PAM: variants seen among roughly 807,000 people sequenced by gnomAD.
PAM encodes the protein peptidyl-glycine alpha-amidating monooxygenase.
Under a neutral mutation model 122.1 loss-of-function variants are expected in PAM, and 72 were observed. The observed-to-expected ratio is 0.59, with a 90% CI of 0.49 to 0.72. The LOEUF (loss-of-function observed/expected upper bound fraction) is 0.72, where lower values mean the gene tolerates loss of function less well. Ranked by LOEUF, PAM falls within the 30% of genes least tolerant of loss-of-function variation. PAM has a pLI of 0.00. For synonymous variants in PAM, 389 were observed against 404.4 expected (o/e 0.96, Z 0.46); for missense variants, 1,106 against 1,183.7 (o/e 0.93, Z 0.96).
intron 14 of PAM, among the ~76,000 whole-genome samples, chr5:102,966,490 G>A (rs1432338445): frequency 6.6e-6 from 1 of 152,032 alleles, no homozygotes; most frequent in Non-Finnish European, 1.5e-5. Flanking sequence ...AAATAATAAA[G>A]TTCACTTCAT....
At position 102,822,397 on chromosome 5, in the gene PAM, C is replaced by T. The variant is rs758306953; in HGVS notation, c.-373-43426C>T. 5.3e-5 allele frequency among the ~76,000 whole-genome samples: 8 copies of T among 152,130 alleles called. No homozygotes were observed. In the South Asian group the frequency reaches 6.2e-4, roughly 12 times the overall value. On this transcript the variant is annotated intron_variant, in intron 1 of 25. Coordinates refer to ENST00000438793, the MANE Select transcript of PAM (RefSeq NM_001177306.2). ...GCCATCCCACCGACGAGCACATACACGCATTCACTCATGCTAATTCCAAGC... is the reference window on the plus strand; with the variant it reads ...GCCATCCCACCGACGAGCACATACATGCATTCACTCATGCTAATTCCAAGC...
chr5:102,972,279 T>C (rs1428860312), intron 14 of PAM, among the ~76,000 whole-genome samples: 5 of 152,106 alleles, frequency 3.3e-5, no homozygotes, highest in Admixed American at 6.5e-5. Flanking sequence ...TTCAAGTTTT[T>C]ATTTAATTTT....
intron 4 of PAM, among the ~76,000 whole-genome samples, chr5:102,904,246 A>G (rs1402576804): frequency 6.6e-6 from 1 of 151,290 alleles, no homozygotes; most frequent in Non-Finnish European, 1.5e-5. Context: ...AACCCATAAT[A>G]CTTTGTTCGT....
intron 1 of PAM, among the ~76,000 whole-genome samples, chr5:102,756,749 GCAAGACC>G (rs1750462927): frequency 6.6e-6 from 1 of 151,662 alleles, no homozygotes; most frequent in South Asian, 2.1e-4. Context: ...CGGTGACAGA[GCAAGACC>G]CTGTCTCAAA....
intron 1 of PAM, among the ~76,000 whole-genome samples, chr5:102,840,542 GATT>G (rs1173646687): frequency 7.9e-5 from 12 of 152,246 alleles, no homozygotes; most frequent in Non-Finnish European, 1.5e-4. Context: ...TATAATTTGG[GATT>G]GAGTTTAGCT....
intron 15 of PAM, among the ~76,000 whole-genome samples, chr5:102,977,198 G>A (rs937861554): frequency 1.3e-5 from 2 of 152,098 alleles, no homozygotes; most frequent in African/African-American, 4.8e-5. Flanking sequence ...ACACCTGAGG[G>A]TTTCAAAAAC....
At chr5:103,004,282 G>T (rs1188128167) in intron 17 of PAM, among the ~76,000 whole-genome samples, 1 of 152,184 alleles carries the variant, frequency 6.6e-6, no homozygotes, top group African/African-American at 2.4e-5. Context: ...GAATTAAGGG[G>T]AAGGCAGAAA....
intron 3 of PAM, among the ~76,000 whole-genome samples, chr5:102,881,649 AAAAC>A (rs1791121876): frequency 6.6e-6 from 1 of 151,978 alleles, no homozygotes; most frequent in African/African-American, 2.4e-5. Context: ...TTAAGTGAGA[AAAAC>A]AAACCACAGA....
At chr5:102,960,680 A>G (rs1762199486) in intron 13 of PAM, among the ~76,000 whole-genome samples, 2 of 151,738 alleles carry the variant, frequency 1.3e-5, no homozygotes, top group South Asian at 4.2e-4. Context: ...CTGAGACTTG[A>G]TTGAGTTTTG....
chr5:102,878,922 C>CT (rs972968146), intron 3 of PAM, among the ~76,000 whole-genome samples: 237 of 144,078 alleles, frequency 1.6e-3, no homozygotes, highest in African/African-American at 2.6e-3. Context: ...AAGAAAAATT[C>CT]TTTTTTTTTT....
At chr5:102,845,639 T>C (rs534470439) in intron 1 of PAM, among the ~76,000 whole-genome samples, 1 of 152,334 alleles carries the variant, frequency 6.6e-6, no homozygotes, top group African/African-American at 2.4e-5. Context: ...CATCCAATAC[T>C]TCCATTTATT....
chr5:102,857,742 C>T (rs1783023717), intron 1 of PAM, among the ~76,000 whole-genome samples: 1 of 152,172 alleles, frequency 6.6e-6, no homozygotes, highest in Non-Finnish European at 1.5e-5. Context: ...CATAGAGTTG[C>T]TGTGAGGATT....
chr5:102,810,557 G>A (rs1197491501), intron 1 of PAM, among the ~76,000 whole-genome samples: 1 of 152,184 alleles, frequency 6.6e-6, no homozygotes, highest in East Asian at 1.9e-4. Context: ...AAGGCCAGGT[G>A]CAGTGGCTCA....
chr5:102,769,529 A>G (rs1449090262), intron 1 of PAM, among the ~76,000 whole-genome samples: 7 of 152,084 alleles, frequency 4.6e-5, no homozygotes, highest in Non-Finnish European at 8.8e-5. Context: ...TGATTTTTGT[A>G]TATGGTAAGA....
chr5:102,820,980 A>G (rs898997483), intron 1 of PAM, among the ~76,000 whole-genome samples: 1 of 152,370 alleles, frequency 6.6e-6, no homozygotes, highest in South Asian at 2.1e-4. Context: ...TGGTAAAGCT[A>G]ATCACTTCAC....
chr5:102,958,441 T>C (rs1356946258), intron 12 of PAM, among the ~76,000 whole-genome samples: 1 of 152,196 alleles, frequency 6.6e-6, no homozygotes, highest in Non-Finnish European at 1.5e-5. Flanking sequence ...CTCCAGTTTA[T>C]TATTTTTGCA....
Position 103,029,422 on chromosome 5 carries a change from C to G in PAM, c.*357C>G, listed in dbSNP as rs1238618885. On this transcript the variant is annotated 3_prime_UTR_variant, in exon 26 of 26. Transcript: ENST00000438793. ...TGAACACAGTATTTTCCCAATAGCA[C>G]TTTCATTGCCAGTGTCTTTCTTTGG... 1 of 167,758 alleles carries G rather than the reference C, an allele frequency of 6.0e-6. No homozygotes were observed. Among genetic ancestry groups the G allele is most frequent in the Non-Finnish European group, 1.3e-5 (1 of 78,606 alleles). 10.4% of individuals were successfully genotyped at this position (167,758 alleles called of 1,614,324 possible).
At chr5:102,787,964 TTTTGA>T (rs1761000597) in intron 1 of PAM, among the ~76,000 whole-genome samples, 1 of 152,144 alleles carries the variant, frequency 6.6e-6, no homozygotes, top group African/African-American at 2.4e-5. Context: ...ATCAATTTGC[TTTTGA>T]TTTAAGAACT....
intron 1 of PAM, among the ~76,000 whole-genome samples, chr5:102,836,262 A>G (rs995631721): frequency 2.6e-5 from 4 of 152,186 alleles, no homozygotes; most frequent in African/African-American, 9.7e-5. Flanking sequence ...CCTGTTAAAG[A>G]TATATTTTTT....
Sources: gnomAD v4.1 joint callset for allele counts (sites outside exome capture counted in the v4.1 genomes callset) on GRCh38, gnomAD v4.1.1 for gene constraint, MANE v1.5 for transcripts, NCBI Gene and HGNC (gene_info 2026-07-23, HGNC 2026-07-21) for gene names.